ITPR1: variants seen among roughly 807,000 people sequenced by gnomAD.
The protein encoded by ITPR1 is inositol 1,4,5-trisphosphate-gated calcium channel ITPR1.
A neutral mutation model predicts 318.4 loss-of-function variants in ITPR1; 96 were observed. The ratio of observed to expected loss-of-function variants is 0.30; its 90% CI spans 0.26 to 0.36. The LOEUF (loss-of-function observed/expected upper bound fraction) is 0.36, where lower values mean the gene tolerates loss of function less well. Among genes scored for constraint, ITPR1 ranks in the 10% least tolerant of loss-of-function variants. The probability of loss-of-function intolerance (pLI) is 1.00; values close to 1 mark genes in which losing one functional copy is unlikely to be tolerated. For missense variants in ITPR1, 2,440 were observed against 3,460.2 expected (o/e 0.71, Z 7.40); for synonymous variants, 1,312 against 1,289.9 (o/e 1.02, Z -0.37).
intron 9 of ITPR1, 25 bp downstream of exon 9, chr3:4,645,495 A>G: frequency 6.2e-7 from 1 of 1,606,062 alleles, no homozygotes; most frequent in Non-Finnish European, 8.5e-7. Context: ...TTATGGGCTG[A>G]GCATTACTTG....
At chr3:4,758,306 T>C (rs985975881) in intron 44 of ITPR1, among the ~76,000 whole-genome samples, 11 of 152,080 alleles carry the variant, frequency 7.2e-5, no homozygotes, top group Non-Finnish European at 1.5e-4. Flanking sequence ...AGGATCTGAG[T>C]CCTGCAGCCG....
intron 61 of ITPR1, among the ~76,000 whole-genome samples, chr3:4,842,694 C>G (rs1036720202): frequency 6.6e-5 from 10 of 152,142 alleles, no homozygotes; most frequent in Non-Finnish European, 1.2e-4. Flanking sequence ...AATGAGACAT[C>G]TCACACTACT....
In ITPR1 at chr3:4,521,067, C is replaced by A; in HGVS notation, c.136C>A (p.Leu46Ile). ...RCVVQPETGD[L>I]NNPPKKFRDC... ...TGTTGTACAGCCAGAAACCGGGGAC[C>A]TTAACAATCCACCTAAGAAATTCAG... is the stretch of plus-strand genomic sequence containing the variant. Residue 46 changes from leucine to isoleucine, a missense_variant, in exon 4 of 62, where the codon CTT becomes ATT. Physicochemically the swap from Leu to Ile is conservative, Grantham distance 5. Transcript: ENST00000649015. 2.5e-6 allele frequency: 4 copies of A among 1,613,688 alleles called. No homozygotes were observed. Among genetic ancestry groups the A allele is most frequent in the Non-Finnish European group, 2.5e-6 (3 of 1,179,650 alleles).
intron 4 of ITPR1, among the ~76,000 whole-genome samples, chr3:4,560,609 G>T (rs764076604): frequency 1.3e-5 from 2 of 152,172 alleles, no homozygotes; most frequent in Non-Finnish European, 2.9e-5. Flanking sequence ...TCTGGAAGAA[G>T]AGAGAACTGG....
rs569484917 is a variant in ITPR1, at chr3:4,644,806, C to G, written c.624+572C>G. Among the ~76,000 whole-genome samples, 5 of 152,142 alleles carry G rather than the reference C, an allele frequency of 3.3e-5. No individual in the cohort carries two copies. The East Asian group carries it at 9.6e-4, about 29-fold the overall frequency. ...CTGTCTGCCTTTCCAAGCTCTGTGA[C>G]GGCAGGTTGGTTACCCGGTCTCCCT... On this transcript the variant is annotated intron_variant, in intron 8 of 61. Transcript: ENST00000649015.
chr3:4,524,060 T>C (rs1367270612), intron 4 of ITPR1, among the ~76,000 whole-genome samples: 1 of 152,200 alleles, frequency 6.6e-6, no homozygotes, highest in East Asian at 1.9e-4. Flanking sequence ...GCTTCGTCCT[T>C]GTGGGAAAAT....
At chr3:4,818,267 C>T (rs755569377) in intron 60 of ITPR1, 25 bp downstream of exon 60, 1 of 1,550,406 alleles carries the variant, frequency 6.4e-7, no homozygotes, top group South Asian at 1.2e-5. Flanking sequence ...CTCCTGGGAG[C>T]AAGGTGGACT....
At chr3:4,672,055 T>C (rs981364952) in intron 20 of ITPR1, among the ~76,000 whole-genome samples, 2 of 152,238 alleles carry the variant, frequency 1.3e-5, no homozygotes, top group Non-Finnish European at 2.9e-5. Flanking sequence ...GATATTCTGT[T>C]TTATTGATTT....
rs183289641 is a variant in ITPR1, at chr3:4,609,687, G to T, written c.164-18076G>T. On this transcript the variant is annotated intron_variant, in intron 4 of 61. Transcript: ENST00000649015. ...GGAGGGATGGAATGGGACAGATGGG[G>T]TGGTGGCTTGGCCACCTCACATGTG... Among the ~76,000 whole-genome samples, 743 of 150,990 alleles carry T rather than the reference G, an allele frequency of 4.9e-3. 4 individuals carry two copies. The highest frequency in any genetic ancestry group is 0.017 in the African/African-American group (707 of 41,114).
intron 24 of ITPR1, among the ~76,000 whole-genome samples, chr3:4,679,357 C>G (rs2094251303): frequency 6.6e-6 from 1 of 152,174 alleles, no homozygotes; most frequent in Non-Finnish European, 1.5e-5. Flanking sequence ...CCCCAGTCTG[C>G]CACAGCAAGC....
At chr3:4,612,614 T>C (rs2092199827) in intron 4 of ITPR1, among the ~76,000 whole-genome samples, 1 of 151,998 alleles carries the variant, frequency 6.6e-6, no homozygotes, top group African/African-American at 2.4e-5. Context: ...TGTCTGGGCA[T>C]GGTGGCTCAT....
At chr3:4,791,205 T>G (rs1346505651) in intron 52 of ITPR1, among the ~76,000 whole-genome samples, 2 of 152,220 alleles carry the variant, frequency 1.3e-5, no homozygotes, top group Non-Finnish European at 2.9e-5. Context: ...ACAGCACTCC[T>G]TCTTTTTGCT....
chr3:4,809,280 C>T (rs1189071006), intron 55 of ITPR1, among the ~76,000 whole-genome samples: 2 of 152,246 alleles, frequency 1.3e-5, no homozygotes, highest in East Asian at 1.9e-4. Flanking sequence ...TAGACGAGCA[C>T]GTATGGAGGC....
At chr3:4,705,187 C>G (rs2094731451) in intron 36 of ITPR1, among the ~76,000 whole-genome samples, 1 of 151,938 alleles carries the variant, frequency 6.6e-6, no homozygotes, top group African/African-American at 2.4e-5. Flanking sequence ...TGGACATTTT[C>G]CCATATGGAA....
At chr3:4,524,849 C>A (rs2082850434) in intron 4 of ITPR1, among the ~76,000 whole-genome samples, 2 of 152,200 alleles carry the variant, frequency 1.3e-5, no homozygotes, top group African/African-American at 4.8e-5. Context: ...GAACAGATTA[C>A]TTCACCTTTG....
chr3:4,704,814 G>A (rs1453519713), intron 36 of ITPR1, among the ~76,000 whole-genome samples: 8 of 151,972 alleles, frequency 5.3e-5, no homozygotes, highest in African/African-American at 1.5e-4. Context: ...CTTGGGGGTC[G>A]CTTCCTCATG....
intron 34 of ITPR1, among the ~76,000 whole-genome samples, chr3:4,697,762 C>T (rs2094583640): frequency 6.6e-6 from 1 of 152,064 alleles, no homozygotes; most frequent in Non-Finnish European, 1.5e-5. Flanking sequence ...ATTCTTCCTA[C>T]CTTTTGCTCT....
At chr3:4,770,192 C>T (rs2046098046) in intron 46 of ITPR1, among the ~76,000 whole-genome samples, 2 of 152,166 alleles carry the variant, frequency 1.3e-5, no homozygotes, top group Admixed American at 6.5e-5. Flanking sequence ...ACCTGGCTGA[C>T]CTTATCCCCC....
chr3:4,550,169 A>G (rs1027550001), intron 4 of ITPR1, among the ~76,000 whole-genome samples: 21 of 146,290 alleles, frequency 1.4e-4, no homozygotes, highest in African/African-American at 5.1e-4. Context: ...CGGTGGGGTT[A>G]ATTTCTGGCT....
Sources: gnomAD v4.1 joint callset for allele counts (sites outside exome capture counted in the v4.1 genomes callset) on GRCh38, gnomAD v4.1.1 for gene constraint, MANE v1.5 for transcripts, NCBI Gene and HGNC (gene_info 2026-07-23, HGNC 2026-07-21) for gene names.